STXBP4: variants seen among roughly 807,000 people sequenced by gnomAD.
STXBP4 encodes syntaxin-binding protein 4.
STXBP4 carries 55 observed loss-of-function variants against 76.1 expected under a neutral mutation model. The observed-to-expected ratio is 0.72, with a 90% confidence interval of 0.58 to 0.91. The LOEUF (loss-of-function observed/expected upper bound fraction) is 0.91, where lower values mean the gene tolerates loss of function less well. STXBP4 is among the 40% of genes least tolerant of loss of function. The probability of loss-of-function intolerance (pLI) is 0.00; values close to 1 mark genes in which losing one functional copy is unlikely to be tolerated. For synonymous variants in STXBP4, 201 were observed against 220.2 expected (o/e 0.91, Z 0.77); for missense variants, 618 against 636.9 (o/e 0.97, Z 0.32).
At chr17:54,985,934 A>G (rs2077620263) in intron 2 of STXBP4, among the ~76,000 whole-genome samples, 1 of 152,222 alleles carries the variant, frequency 6.6e-6, no homozygotes. Context: ...ACATAGACTT[A>G]TCTATCTAAT....
At chr17:54,974,948 G>T (rs925871233) in intron 1 of STXBP4, among the ~76,000 whole-genome samples, 1 of 152,198 alleles carries the variant, frequency 6.6e-6, no homozygotes, top group Non-Finnish European at 1.5e-5. Context: ...TCATTGCCAT[G>T]GAAAGGGGTG....
At chr17:55,151,747 C>T (rs1404571568) in intron 17 of STXBP4, among the ~76,000 whole-genome samples, 1 of 152,194 alleles carries the variant, frequency 6.6e-6, no homozygotes, top group African/African-American at 2.4e-5. Context: ...GTTTTATACT[C>T]TAATAGTTAA....
intron 10 of STXBP4, among the ~76,000 whole-genome samples, chr17:55,039,247 T>G (rs1159838157): frequency 6.6e-6 from 1 of 152,058 alleles, no homozygotes; most frequent in East Asian, 1.9e-4. Flanking sequence ...TTTTGAGGGA[T>G]AAATAGGATT....
intron 4 of STXBP4, among the ~76,000 whole-genome samples, chr17:54,992,336 G>A (rs909825398): frequency 6.6e-6 from 1 of 151,186 alleles, no homozygotes; most frequent in Non-Finnish European, 1.5e-5. Flanking sequence ...AGTATTGCTT[G>A]AGCCCCGAAG....
chr17:54,978,538 A>G (rs769933815), intron 1 of STXBP4, among the ~76,000 whole-genome samples: 1 of 152,216 alleles, frequency 6.6e-6, no homozygotes, highest in Non-Finnish European at 1.5e-5. Flanking sequence ...TCTCTTTTAA[A>G]TTGCAACATT....
At chr17:55,057,645 C>A (rs545531826) in intron 12 of STXBP4, among the ~76,000 whole-genome samples, 17 of 152,060 alleles carry the variant, frequency 1.1e-4, no homozygotes, top group Admixed American at 2.0e-4. Flanking sequence ...CCTATCAACC[C>A]GACATCTAGG....
chr17:55,011,895 C>T (rs186428376), intron 8 of STXBP4, among the ~76,000 whole-genome samples: 88 of 152,230 alleles, frequency 5.8e-4, no homozygotes, highest in Admixed American at 4.1e-3. Flanking sequence ...GGCCGACGAC[C>T]GCTCTAACTG....
chr17:54,976,338 A>G (rs2077473403), intron 1 of STXBP4, among the ~76,000 whole-genome samples: 1 of 152,270 alleles, frequency 6.6e-6, no homozygotes, highest in South Asian at 2.1e-4. Flanking sequence ...CAATTGTCCC[A>G]TAGAACTGAT....
intron 9 of STXBP4, 38 bp from the exon 10 acceptor site, chr17:55,034,130 T>A (rs776583387): frequency 2.0e-6 from 3 of 1,510,598 alleles, no homozygotes; most frequent in Non-Finnish European, 2.8e-6. Flanking sequence ...TAGAAGGGGT[T>A]AAATGCCATG....
intron 12 of STXBP4, among the ~76,000 whole-genome samples, chr17:55,066,498 A>G (rs1008115825): frequency 2.6e-5 from 4 of 152,174 alleles, no homozygotes; most frequent in East Asian, 1.9e-4. Context: ...TGCTAGGATT[A>G]CAGATGTAAG....
chr17:55,073,390 A>T (rs1272428822), intron 13 of STXBP4, among the ~76,000 whole-genome samples: 1 of 152,154 alleles, frequency 6.6e-6, no homozygotes, highest in Non-Finnish European at 1.5e-5. Context: ...TTTTGTTTCT[A>T]AACCTGCTAA....
At chr17:55,200,947 A>G in the STXBP4 span, among the ~76,000 whole-genome samples, 2 of 152,236 alleles carry the variant, frequency 1.3e-5, no homozygotes, top group African/African-American at 4.8e-5. Flanking sequence ...GTCCATTGCT[A>G]TCCATCTTAT....
In STXBP4 at chr17:55,166,289, C is replaced by G. The variant is rs1397007373; in HGVS notation, c.*6378C>G. ...AACATGGCTTATTTATTTTTCAAGT[C>G]TTTCTCATTTCTTACCTGGATGCTT... On this transcript the variant is annotated 3_prime_UTR_variant, in exon 18 of 18. Transcript: ENST00000376352. The G allele has an allele frequency of 6.6e-6, 1 of 152,122 alleles. No individual in the cohort carries two copies. The highest frequency in any genetic ancestry group is 1.5e-5 in the Non-Finnish European group (1 of 68,024). 9.4% of individuals were successfully genotyped at this position (152,122 alleles called of 1,614,324 possible).
In STXBP4 at chr17:54,979,710, T is replaced by C. The variant is rs539483972; in HGVS notation, c.-156-5904T>C. On this transcript the variant is annotated intron_variant, in intron 1 of 17. Coordinates refer to ENST00000376352, the MANE Select transcript of STXBP4 (RefSeq NM_178509.6). ...AGCTTCTGACAAAGCACTTTTCTTATGAGCTTTTTAACATTATTATGAAGA... is the reference window on the plus strand; with the variant it reads ...AGCTTCTGACAAAGCACTTTTCTTACGAGCTTTTTAACATTATTATGAAGA... Among the ~76,000 whole-genome samples, 3 of 152,310 alleles carry C rather than the reference T, an allele frequency of 2.0e-5. No homozygotes were observed. The East Asian group carries it at 5.8e-4, about 29-fold the overall frequency.
At chr17:55,061,610 T>C (rs958043131) in intron 12 of STXBP4, among the ~76,000 whole-genome samples, 1 of 152,202 alleles carries the variant, frequency 6.6e-6, no homozygotes, top group African/African-American at 2.4e-5. Flanking sequence ...AGATCCCTCA[T>C]GCTATTCTTT....
intron 1 of STXBP4, among the ~76,000 whole-genome samples, chr17:54,977,884 T>A (rs2077494026): frequency 6.6e-6 from 1 of 152,186 alleles, no homozygotes; most frequent in South Asian, 2.1e-4. Context: ...AATAAATAAA[T>A]AGTAGGCATT....
chr17:55,208,391 G>A, the STXBP4 span, among the ~76,000 whole-genome samples: 1 of 152,086 alleles, frequency 6.6e-6, no homozygotes, highest in Non-Finnish European at 1.5e-5. Context: ...TTGTTGGATG[G>A]GTTGGGAGAT....
intron 8 of STXBP4, among the ~76,000 whole-genome samples, chr17:55,015,053 C>T (rs1005873368): frequency 6.6e-6 from 1 of 152,260 alleles, no homozygotes; most frequent in East Asian, 1.9e-4. Context: ...TTTCTAATGT[C>T]TGCAGCTGAC....
chr17:55,113,129 G>A (rs1015624981), intron 16 of STXBP4, among the ~76,000 whole-genome samples: 1 of 151,492 alleles, frequency 6.6e-6, no homozygotes, highest in African/African-American at 2.4e-5. Flanking sequence ...ATGTAACACT[G>A]CAGTTTAAAA....
Sources: gnomAD v4.1 joint callset for allele counts (sites outside exome capture counted in the v4.1 genomes callset) on GRCh38, gnomAD v4.1.1 for gene constraint, MANE v1.5 for transcripts, NCBI Gene and HGNC (gene_info 2026-07-23, HGNC 2026-07-21) for gene names.